Variants in EDAR observed in about 807,000 individuals in gnomAD.
The protein encoded by EDAR is tumor necrosis factor receptor superfamily member EDAR.
A neutral mutation model predicts 51.3 loss-of-function variants in EDAR; 38 were observed. The ratio of observed to expected loss-of-function variants is 0.74; its 90% CI spans 0.57 to 0.97. The LOEUF is 0.97. EDAR is among the 50% of genes least tolerant of loss of function. The pLI, the probability that EDAR is intolerant of heterozygous loss-of-function variation, is 0.00. For missense variants in EDAR, 528 were observed against 595.0 expected, an observed-to-expected ratio of 0.89 and a Z score of 1.17; for synonymous variants, 227 against 242.1, an observed-to-expected ratio of 0.94 and a Z score of 0.58.
intron 2 of EDAR, 69 bp from the exon 3 acceptor site, chr2:108,930,311 C>A (rs1458264993): frequency 1.1e-5 from 18 of 1,606,876 alleles, no homozygotes; most frequent in Non-Finnish European, 1.5e-5. Flanking sequence ...TGCAAGACCC[C>A]AAGGTTGACA....
intron 1 of EDAR, among the ~76,000 whole-genome samples, chr2:108,988,543 C>T (rs1178303561): frequency 2.0e-5 from 3 of 152,132 alleles, no homozygotes; most frequent in Non-Finnish European, 2.9e-5. Context: ...ACAGCGGGTA[C>T]GCAGAGTTGG....
At chr2:108,956,950 C>A (rs899911855) in intron 1 of EDAR, among the ~76,000 whole-genome samples, 1 of 152,034 alleles carries the variant, frequency 6.6e-6, no homozygotes, top group East Asian at 1.9e-4. Flanking sequence ...CACCACGCCC[C>A]GCTAATTTTT....
At chr2:108,913,648 G>GTGTGGGAAGGATAAAAGT (rs2105408069) in intron 5 of EDAR, among the ~76,000 whole-genome samples, 1 of 152,104 alleles carries the variant, frequency 6.6e-6, no homozygotes, top group East Asian at 1.9e-4. Context: ...GAAGGAGGCT[G>GTGTGGGAAGGATAAAAGT]GTGATAAAAG....
chr2:108,936,526 G>A (rs1697472701), intron 1 of EDAR, among the ~76,000 whole-genome samples: 1 of 152,072 alleles, frequency 6.6e-6, no homozygotes, highest in Non-Finnish European at 1.5e-5. Context: ...GGCCTCCCAC[G>A]CTCTCCTTCC....
rs893891277 is a variant in EDAR at position 108,894,899 on chromosome 2, G to A, written c.*2008C>T. 1.2e-4 allele frequency: 18 copies of A among 152,176 alleles called. No individual in the cohort carries two copies. Among genetic ancestry groups the A allele is most frequent in the African/African-American group, 4.3e-4 (18 of 41,432 alleles). The allele number at this position is 152,176 out of a possible 1,614,324, so 9.4% of individuals were successfully genotyped here. On this transcript the variant is annotated 3_prime_UTR_variant, in exon 12 of 12. Coordinates refer to ENST00000258443, the MANE Select transcript of EDAR (RefSeq NM_022336.4). ...GTGAAATGAGGCCAAAGCACCAGGAGCAGAGAACAGCCACCCCACTCTTTC... is the reference window on the plus strand; with the variant it reads ...GTGAAATGAGGCCAAAGCACCAGGAACAGAGAACAGCCACCCCACTCTTTC...
At chr2:108,923,302 C>T in intron 5 of EDAR, 66 bp downstream of exon 5, 4 of 1,490,888 alleles carry the variant, frequency 2.7e-6, no homozygotes, top group Non-Finnish European at 3.7e-6. Context: ...CTTTCCTACA[C>T]CCTCTGTAGT....
At chr2:108,974,429 T>G (rs1413707064) in intron 1 of EDAR, among the ~76,000 whole-genome samples, 1 of 150,016 alleles carries the variant, frequency 6.7e-6, no homozygotes, top group Non-Finnish European at 1.5e-5. Flanking sequence ...TCTTAATGAT[T>G]ACACCATGAA....
At chr2:108,988,935 A>G (rs1033654169) in intron 1 of EDAR, 25 bp downstream of exon 1, 2 of 152,106 alleles carry the variant, frequency 1.3e-5, no homozygotes, top group Non-Finnish European at 2.9e-5. Flanking sequence ...AGTTTAGAAA[A>G]CCAGAGGAAA....
At chr2:108,909,715 TG>T (rs1007438265) in intron 9 of EDAR, among the ~76,000 whole-genome samples, 25 of 152,206 alleles carry the variant, frequency 1.6e-4, no homozygotes, top group African/African-American at 6.0e-4. Flanking sequence ...TCCCACTGGA[TG>T]AATAAAATAT....
chr2:108,975,782 G>C (rs1028516696), intron 1 of EDAR, among the ~76,000 whole-genome samples: 2 of 152,138 alleles, frequency 1.3e-5, no homozygotes, highest in African/African-American at 4.8e-5. Flanking sequence ...GCCAGGCTCC[G>C]TGCGGCATCA....
intron 1 of EDAR, among the ~76,000 whole-genome samples, chr2:108,977,815 C>T (rs573789812): frequency 1.7e-4 from 26 of 152,302 alleles, no homozygotes; most frequent in African/African-American, 5.1e-4. Context: ...CTGAGAGCCG[C>T]ACCCTCTTTT....
intron 1 of EDAR, among the ~76,000 whole-genome samples, chr2:108,950,961 G>C (rs914372400): frequency 6.6e-6 from 1 of 152,172 alleles, no homozygotes; most frequent in Non-Finnish European, 1.5e-5. Flanking sequence ...CTGCCAGTTG[G>C]GGGACTCAGC....
chr2:108,920,614 G>A (rs1697117672), intron 5 of EDAR, among the ~76,000 whole-genome samples: 1 of 152,148 alleles, frequency 6.6e-6, no homozygotes, highest in African/African-American at 2.4e-5. Flanking sequence ...AATCCAAGGT[G>A]ACAACCAACC....
intron 1 of EDAR, among the ~76,000 whole-genome samples, chr2:108,955,488 C>T (rs1574402943): frequency 6.6e-6 from 1 of 152,158 alleles, no homozygotes; most frequent in Admixed American, 6.5e-5. Context: ...TGGCTCACAC[C>T]TGTAATCCTA....
chr2:108,968,170 A>G (rs1049860220), intron 1 of EDAR, among the ~76,000 whole-genome samples: 1 of 152,142 alleles, frequency 6.6e-6, no homozygotes, highest in Non-Finnish European at 1.5e-5. Flanking sequence ...TTTAGTGGAA[A>G]CTGTCTCTTC....
intron 11 of EDAR, 52 bp from the exon 12 acceptor site, chr2:108,897,281 G>A: frequency 6.7e-7 from 1 of 1,490,000 alleles, no homozygotes; most frequent in Middle Eastern, 1.7e-4. Context: ...GTCAATAGAA[G>A]GTCAACACTG....
chr2:108,922,423 T>C (rs1467768105), intron 5 of EDAR, among the ~76,000 whole-genome samples: 2 of 152,174 alleles, frequency 1.3e-5, no homozygotes, highest in Admixed American at 6.5e-5. Flanking sequence ...AGCAAACACA[T>C]TGGTGCAGGG....
At chr2:108,972,095 G>A (rs1374293461) in intron 1 of EDAR, among the ~76,000 whole-genome samples, 1 of 152,238 alleles carries the variant, frequency 6.6e-6, no homozygotes, top group African/African-American at 2.4e-5. Context: ...GAAGGACACT[G>A]AGCCAGAACC....
chr2:108,907,344 C>T (rs2105392515), intron 10 of EDAR, among the ~76,000 whole-genome samples: 1 of 152,154 alleles, frequency 6.6e-6, no homozygotes, highest in East Asian at 1.9e-4. Context: ...GTGTATGAAG[C>T]TATATAATAA....
Sources: allele counts gnomAD v4.1 joint callset (sites outside exome capture counted in the v4.1 genomes callset), GRCh38; gene constraint gnomAD v4.1.1; transcripts MANE v1.5; gene names NCBI Gene and HGNC (gene_info 2026-07-23, HGNC 2026-07-21).